The following SCPEP1 variants were observed in gnomAD, a reference collection of about 807,000 sequenced individuals.
The protein encoded by SCPEP1 is serine carboxypeptidase 1.
SCPEP1 carries 51 observed loss-of-function variants against 63.8 expected under a neutral mutation model. The observed-to-expected ratio is 0.80, with a 90% CI of 0.64 to 1.01. The LOEUF is 1.01. Among genes scored for constraint, SCPEP1 ranks in the 50% least tolerant of loss-of-function variants. The pLI is 0.00. For synonymous variants in SCPEP1, 204 were observed against 207.8 expected (o/e 0.98, Z 0.16); for missense variants, 499 against 554.9 (o/e 0.90, Z 1.01).
chr17:56,978,527 G>A (rs1213588594), intron 1 of SCPEP1, among the ~76,000 whole-genome samples: 1 of 151,702 alleles, frequency 6.6e-6, no homozygotes, highest in Non-Finnish European at 1.5e-5. Context: ...GGTCAATGAG[G>A]TTTCCCCGAT....
At chr17:56,985,159 C>G in intron 2 of SCPEP1, 1 of 582,578 alleles carries the variant, frequency 1.7e-6, no homozygotes, top group Non-Finnish European at 3.0e-6. Flanking sequence ...CCATTGTGGA[C>G]CTCTTAGCTC....
At chr17:56,984,605 C>G (rs1461106678) in intron 2 of SCPEP1, 1 of 152,340 alleles carries the variant, frequency 6.6e-6, no homozygotes, top group Admixed American at 6.5e-5. Context: ...ACTTTAGAAA[C>G]TGCTGCATTA....
rs990799590 is a variant in SCPEP1, at chr17:56,985,263, G to A, written c.226-115G>A. On this transcript the variant is annotated intron_variant, in intron 2 of 12. Coordinates refer to ENST00000262288, the MANE Select transcript of SCPEP1 (RefSeq NM_021626.3). ...GTTCACTAGAGAAATTGTGTCTTTTGTGCAAATTGACCCAGCCATCACTAA... is the reference window on the plus strand; with the variant it reads ...GTTCACTAGAGAAATTGTGTCTTTTATGCAAATTGACCCAGCCATCACTAA... 4 of 760,306 alleles carry A rather than the reference G, an allele frequency of 5.3e-6. No homozygotes were observed. In the African/African-American group the frequency reaches 6.9e-5, roughly 13 times the overall value. 47.1% of individuals were successfully genotyped at this position (760,306 alleles called of 1,614,324 possible).
chr17:56,998,964 GA>G (rs934435231), intron 10 of SCPEP1, among the ~76,000 whole-genome samples: 2 of 151,530 alleles, frequency 1.3e-5, no homozygotes, highest in East Asian at 1.9e-4. Context: ...TTAAAAAGGG[GA>G]AAAAAAAGAC....
At chr17:57,005,627 C>T (rs781470453) in intron 12 of SCPEP1, among the ~76,000 whole-genome samples, 1 of 152,022 alleles carries the variant, frequency 6.6e-6, no homozygotes. Context: ...CCTTTTGATG[C>T]TGTGTGGGAA....
intron 10 of SCPEP1, among the ~76,000 whole-genome samples, chr17:56,998,995 A>G (rs1242084122): frequency 6.6e-6 from 1 of 152,060 alleles, no homozygotes; most frequent in Non-Finnish European, 1.5e-5. Flanking sequence ...GATTCAAAAT[A>G]AGGAGTTGGT....
chr17:57,002,256 C>G, intron 12 of SCPEP1, 75 bp downstream of exon 12: 2 of 1,466,400 alleles, frequency 1.4e-6, no homozygotes, highest in Non-Finnish European at 1.9e-6. Flanking sequence ...ATGCCTCTGT[C>G]CACTGCCCAG....
chr17:57,005,715 C>A (rs1342173491), intron 12 of SCPEP1, among the ~76,000 whole-genome samples: 1 of 152,178 alleles, frequency 6.6e-6, no homozygotes, highest in East Asian at 1.9e-4. Flanking sequence ...TCGGATGCCA[C>A]CCAAAGGGCC....
chr17:56,981,058 A>G, intron 1 of SCPEP1, 24 bp from the exon 2 acceptor site: 1 of 1,613,796 alleles, frequency 6.2e-7, no homozygotes, highest in South Asian at 1.1e-5. Context: ...TCTTCTGGAG[A>G]GTGAAATTGA....
At position 56,987,732 on chromosome 17, in the gene SCPEP1, T is replaced by A. The variant is rs1416185708; in HGVS notation, c.353T>A (p.Val118Glu). The change falls in exon 4 of 13, where the codon GTG becomes GAG. Residue 118 changes from valine to glutamate, a missense_variant. By Grantham distance (121) the Val-to-Glu change is moderately radical (BLOSUM62 -2). Coordinates refer to ENST00000262288, the MANE Select transcript of SCPEP1 (RefSeq NM_021626.3). ...AASLLFVDNP[V>E]GTGFSYVNGS... ...AGTCTCCTATTTGTGGATAATCCCG[T>A]GGGCACTGGGTTCAGTTATGTGAAT... The A allele has an allele frequency of 1.2e-6, 2 of 1,614,010 alleles. No homozygotes were observed. Among genetic ancestry groups the A allele is most frequent in the African/African-American group, 2.7e-5 (2 of 74,912 alleles).
At position 56,981,111 on chromosome 17, in the gene SCPEP1, G is replaced by A; in HGVS notation, c.106G>A (p.Gly36Ser). 2 of 1,614,140 alleles carry A rather than the reference G, an allele frequency of 1.2e-6. No individual in the cohort carries two copies. Among genetic ancestry groups the A allele is most frequent in the Non-Finnish European group, 1.7e-6 (2 of 1,180,006 alleles). The change falls in exon 2 of 13, where the codon GGC (glycine) becomes AGC (serine). Residue 36 changes from glycine (G) to serine (S), a missense_variant. Transcript: ENST00000262288. ...GAVIDWPTEE[G>S]KEVWDYVTVR... The stretch of plus-strand genomic sequence containing the variant: ...TGTCATTGACTGGCCCACAGAGGAG[G>A]GCAAGGAAGTATGGGATTATGTGAC...
intron 12 of SCPEP1, among the ~76,000 whole-genome samples, chr17:57,002,720 A>G (rs1264016075): frequency 1.3e-5 from 2 of 151,698 alleles, no homozygotes; most frequent in Non-Finnish European, 1.5e-5. Context: ...AAAGAACAAA[A>G]ATCAACCGGG....
chr17:56,998,335 T>G, intron 9 of SCPEP1, 50 bp from the exon 10 acceptor site: 1 of 1,265,014 alleles, frequency 7.9e-7, no homozygotes, highest in Non-Finnish European at 1.2e-6. Context: ...AGATGTCCTC[T>G]TGGCCTTACT....
intron 6 of SCPEP1, among the ~76,000 whole-genome samples, chr17:56,993,968 A>C (rs781686130): frequency 3.3e-5 from 5 of 152,234 alleles, no homozygotes; most frequent in Admixed American, 6.5e-5. Flanking sequence ...TTTGAAGGTT[A>C]AGCCCGGGAG....
Position 57,002,158 on chromosome 17 carries a change from T to C in SCPEP1, c.1273T>C (p.Trp425Arg), listed in dbSNP as rs1911758993. The stretch of plus-strand genomic sequence containing the variant: ...GTCCTACAAGAACCTTGCTTTCTAC[T>C]GGATTCTGAAAGCTGGTCATATGGT... ...VKSYKNLAFY[W>R]ILKAGHMVPS... is the part of the protein sequence containing the mutation. Residue 425 changes from tryptophan (W) to arginine (R), a missense_variant, in exon 12 of 13, where the codon TGG (tryptophan) becomes CGG (arginine). Physicochemically the swap from Trp to Arg is moderately radical, Grantham distance 101. Coordinates refer to ENST00000262288, the MANE Select transcript of SCPEP1 (RefSeq NM_021626.3). The C allele has an allele frequency of 6.2e-7, 1 of 1,613,860 alleles. No individual in the cohort carries two copies. Among genetic ancestry groups the C allele is most frequent in the Non-Finnish European group, 8.5e-7 (1 of 1,179,930 alleles).
intron 5 of SCPEP1, among the ~76,000 whole-genome samples, chr17:56,990,653 G>A (rs966794189): frequency 1.3e-5 from 2 of 152,058 alleles, no homozygotes; most frequent in African/African-American, 4.8e-5. Flanking sequence ...TTTGAGACAG[G>A]ATCTTGCTGT....
chr17:56,979,177 C>T lies in SCPEP1; in HGVS notation c.76+942C>T, dbSNP rs186627982. 5.5e-4 allele frequency among the ~76,000 whole-genome samples: 84 copies of T among 152,342 alleles called. 2 individuals carry two copies. Among genetic ancestry groups the T allele is most frequent in the African/African-American group, 1.9e-3 (79 of 41,586 alleles). ...TCTTCATTGTTGTTTTGTTTTGAGT[C>T]AGGGTCTCACTATGTTGCCCAGGCT... On this transcript the variant is annotated intron_variant, in intron 1 of 12. Coordinates refer to ENST00000262288, the MANE Select transcript of SCPEP1 (RefSeq NM_021626.3).
intron 10 of SCPEP1, 70 bp downstream of exon 10, chr17:56,998,568 C>A: frequency 8.7e-7 from 1 of 1,143,490 alleles, no homozygotes; most frequent in Non-Finnish European, 1.3e-6. Flanking sequence ...ATTCAGAGAC[C>A]TGAATTTGTA....
rs374937927 is a variant in SCPEP1 at position 56,987,373 on chromosome 17, AG to A, written c.316-321del. 1.8e-3 allele frequency: 372 copies of A among 207,306 alleles called. 3 individuals are homozygous for A. Among genetic ancestry groups the A allele is most frequent in the African/African-American group, 8.5e-3 (363 of 42,756 alleles). The allele number at this position is 207,306 out of a possible 1,614,324, so 12.8% of individuals were successfully genotyped here. A position where few individuals can be genotyped will look rare whatever the true frequency, so the allele number is the denominator to read the frequency against. On this transcript the variant is annotated intron_variant, in intron 3 of 12. Transcript: ENST00000262288. ...GTCTCTGCATGCTTCTTTCTGCGCT[AG>A]TTTATTACATTTAGTACATTTGTAT...
Sources: gnomAD v4.1 joint callset for allele counts (sites outside exome capture counted in the v4.1 genomes callset) on GRCh38, gnomAD v4.1.1 for gene constraint, MANE v1.5 for transcripts, NCBI Gene and HGNC (gene_info 2026-07-23, HGNC 2026-07-21) for gene names.